Variants in EYS observed in about 807,000 individuals in gnomAD.
EYS encodes protein eyes shut homolog.
EYS carries 250 observed loss-of-function variants against 282.1 expected under a neutral mutation model. That is an observed-to-expected ratio of 0.89 (90% CI 0.80 to 0.98). The LOEUF is 0.98. EYS is among the 50% of genes least tolerant of loss of function. EYS has a pLI of 0.00. For missense variants in EYS, 4,016 were observed against 3,709.0 expected (o/e 1.08, Z -2.15); for synonymous variants, 1,355 against 1,282.9 (o/e 1.06, Z -1.20).
rs551932442 is a variant in EYS, at chr6:63,925,915, G to A, written c.7055+58468C>T. Among the ~76,000 whole-genome samples the A allele has an allele frequency of 4.4e-4, 67 of 152,072 alleles. 3 individuals are homozygous for A. In the Middle Eastern group the frequency reaches 0.024, roughly 54 times the overall value. ...CACCTCGGCCTCCCAAAGTGCTGAG[G>A]TTACAGACATGAGCCACCACGCCTG... is the stretch of plus-strand genomic sequence containing the variant. On this transcript the variant is annotated intron_variant, in intron 35 of 42. Transcript: ENST00000503581.
intron 12 of EYS, among the ~76,000 whole-genome samples, chr6:65,067,853 A>G (rs538197334): frequency 6.6e-6 from 1 of 152,248 alleles, no homozygotes; most frequent in East Asian, 1.9e-4. Flanking sequence ...TACATGTTAT[A>G]TAATGAGCAT....
intron 2 of EYS, among the ~76,000 whole-genome samples, chr6:65,579,671 C>CT (rs1582479162): frequency 6.6e-6 from 1 of 152,022 alleles, no homozygotes; most frequent in Non-Finnish European, 1.5e-5. Context: ...CTGTCTCTTT[C>CT]TTTTTATAAG....
In EYS at chr6:64,860,119, ATC is replaced by A. The variant is rs964823476; in HGVS notation, c.2992+26576_2992+26577del. 5.0e-4 allele frequency among the ~76,000 whole-genome samples: 76 copies of A among 152,194 alleles called. 1 individual carries two copies. Among genetic ancestry groups the A allele is most frequent in the African/African-American group, 1.8e-3 (73 of 41,526 alleles). On this transcript the variant is annotated intron_variant, in intron 19 of 42. Coordinates refer to ENST00000503581, the MANE Select transcript of EYS (RefSeq NM_001142800.2). The stretch of plus-strand genomic sequence containing the variant: ...GGTGCATCTTATATAACTCCATTTG[ATC>A]TCTCTTTGTGTATACTATCCTTCCT...
chr6:64,183,528 T>TTC (rs1432975922), intron 31 of EYS, among the ~76,000 whole-genome samples: 3 of 152,200 alleles, frequency 2.0e-5, no homozygotes, highest in Admixed American at 6.5e-5. Context: ...TTCAATACTG[T>TTC]TCAATAAATA....
chr6:64,038,432 T>C lies in EYS; in HGVS notation c.6725+27906A>G, dbSNP rs929977534. On this transcript the variant is annotated intron_variant, in intron 33 of 42. Coordinates refer to ENST00000503581, the MANE Select transcript of EYS (RefSeq NM_001142800.2). ...GACATCATGTTGTACATGATAAATA[T>C]ATATGATTTTACCTGTCTTAAAATA... Among the ~76,000 whole-genome samples, 3 of 152,240 alleles carry C rather than the reference T, an allele frequency of 2.0e-5. No individual in the cohort carries two copies. The South Asian group carries it at 6.2e-4, about 32-fold the overall frequency.
intron 31 of EYS, among the ~76,000 whole-genome samples, chr6:64,141,398 T>C (rs923148652): frequency 2.0e-5 from 3 of 152,208 alleles, no homozygotes; most frequent in African/African-American, 7.2e-5. Context: ...TCTCAGAAGC[T>C]CTGAGTTAAA....
At chr6:64,161,217 T>C (rs1775096201) in intron 31 of EYS, among the ~76,000 whole-genome samples, 2 of 152,200 alleles carry the variant, frequency 1.3e-5, no homozygotes, top group Admixed American at 1.3e-4. Flanking sequence ...GTTTCTATAG[T>C]GTACACTTTG....
chr6:64,691,794 C>T (rs1016511822), intron 22 of EYS, among the ~76,000 whole-genome samples: 9 of 152,132 alleles, frequency 5.9e-5, no homozygotes, highest in Admixed American at 4.6e-4. Flanking sequence ...TGGTTATAGC[C>T]TCCAGCTCCA....
At chr6:64,018,725 G>A (rs929555425) in intron 33 of EYS, among the ~76,000 whole-genome samples, 1 of 132,874 alleles carries the variant, frequency 7.5e-6, no homozygotes, top group Non-Finnish European at 1.6e-5. Context: ...ATCATCCTGG[G>A]TTATTTGGGA....
intron 39 of EYS, among the ~76,000 whole-genome samples, chr6:63,782,400 G>A (rs1203052265): frequency 6.6e-6 from 1 of 152,186 alleles, no homozygotes; most frequent in East Asian, 1.9e-4. Context: ...TGGGTTGGTA[G>A]GCTATTAATT....
intron 2 of EYS, among the ~76,000 whole-genome samples, chr6:65,597,678 C>T (rs1765456903): frequency 6.6e-6 from 1 of 151,994 alleles, no homozygotes; most frequent in African/African-American, 2.4e-5. Context: ...AAAGGAAGGA[C>T]CCTCCACTCA....
intron 12 of EYS, among the ~76,000 whole-genome samples, chr6:65,075,783 CA>C (rs1017281583): frequency 1.3e-5 from 2 of 151,910 alleles, no homozygotes; most frequent in African/African-American, 4.8e-5. Flanking sequence ...GAATTGTTAA[CA>C]TGTCAATTCT....
chr6:65,688,472 T>C (rs1769113555), intron 1 of EYS, among the ~76,000 whole-genome samples: 1 of 151,960 alleles, frequency 6.6e-6, no homozygotes, highest in South Asian at 2.1e-4. Flanking sequence ...CCTAAAACCA[T>C]AAAAACCCTA....
At chr6:64,647,533 A>G (rs1421365604) in intron 22 of EYS, among the ~76,000 whole-genome samples, 2 of 152,204 alleles carry the variant, frequency 1.3e-5, no homozygotes, top group African/African-American at 2.4e-5. Flanking sequence ...TTCTATATGT[A>G]TAAATCACTA....
At chr6:64,399,085 T>G (rs1379362466) in intron 28 of EYS, among the ~76,000 whole-genome samples, 1 of 151,834 alleles carries the variant, frequency 6.6e-6, no homozygotes, top group Admixed American at 6.6e-5. Context: ...TTTATGATAT[T>G]AAAATAGCAA....
In EYS at chr6:65,336,205, C is replaced by T. The variant is rs538061735; in HGVS notation, c.1600-1059G>A. Among the ~76,000 whole-genome samples the T allele has an allele frequency of 7.0e-4, 106 of 151,840 alleles. 3 individuals carry two copies. The South Asian group carries it at 0.021, about 31-fold the overall frequency. On this transcript the variant is annotated intron_variant, in intron 10 of 42. Coordinates refer to ENST00000503581, the MANE Select transcript of EYS (RefSeq NM_001142800.2). ...ATAGCAGTGTGAGAATTGACTAATA[C>T]ACCCAGTTAGCGAACTGATATCACA...
chr6:64,900,104 A>G (rs2150070613), intron 18 of EYS, among the ~76,000 whole-genome samples: 1 of 152,334 alleles, frequency 6.6e-6, no homozygotes, highest in African/African-American at 2.4e-5. Flanking sequence ...GATCTTTGAC[A>G]AAGCTGACAA....
At chr6:65,123,758 C>A (rs7451175) in intron 12 of EYS, among the ~76,000 whole-genome samples, 1,834 of 147,012 alleles carry the variant, frequency 0.012, 35 homozygotes, top group African/African-American at 0.038. Context: ...ACCCACCCAC[C>A]CACACACACA....
chr6:64,556,227 TA>T (rs1245148144), intron 26 of EYS, among the ~76,000 whole-genome samples: 1 of 152,038 alleles, frequency 6.6e-6, no homozygotes, highest in Non-Finnish European at 1.5e-5. Context: ...GAACTGAAAC[TA>T]AATTTTTATT....
Sources: allele counts gnomAD v4.1 joint callset (sites outside exome capture counted in the v4.1 genomes callset), GRCh38; gene constraint gnomAD v4.1.1; transcripts MANE v1.5; gene names NCBI Gene and HGNC (gene_info 2026-07-23, HGNC 2026-07-21).